The following CDH12 variants were observed in gnomAD, a reference collection of about 807,000 sequenced individuals.
The protein encoded by CDH12 is cadherin 12.
CDH12 carries 41 observed loss-of-function variants against 74.1 expected under a neutral mutation model. The observed-to-expected ratio is 0.55, with a 90% CI of 0.43 to 0.72. The LOEUF is 0.72. Among genes scored for constraint, CDH12 ranks in the 30% least tolerant of loss-of-function variants. The pLI is 0.00. For synonymous variants in CDH12, 399 were observed against 355.0 expected (o/e 1.12, Z -1.39); for missense variants, 945 against 977.2 (o/e 0.97, Z 0.44).
At chr5:22,115,487 T>G (rs1312672259) in intron 4 of CDH12, among the ~76,000 whole-genome samples, 1 of 151,462 alleles carries the variant, frequency 6.6e-6, no homozygotes, top group Non-Finnish European at 1.5e-5. Context: ...CAGCACCAAG[T>G]TTTTTACTGG....
intron 1 of CDH12, among the ~76,000 whole-genome samples, chr5:22,731,393 G>A (rs563321782): frequency 1.0e-3 from 155 of 151,764 alleles, no homozygotes; most frequent in African/African-American, 3.6e-3. Context: ...AAACATTAGC[G>A]TTTTCATAAA....
intron 1 of CDH12, among the ~76,000 whole-genome samples, chr5:22,561,438 A>G (rs368620082): frequency 3.0e-4 from 45 of 152,288 alleles, no homozygotes; most frequent in East Asian, 2.9e-3. Context: ...TTATAATTGC[A>G]TATAATTAAA....
At position 22,397,715 on chromosome 5, in the gene CDH12, T is replaced by A. The variant is rs2126437890; in HGVS notation, c.-333+7542A>T. Among the ~76,000 whole-genome samples the A allele has an allele frequency of 2.0e-5, 3 of 152,262 alleles. No individual in the cohort carries two copies. In the South Asian group the frequency reaches 6.2e-4, roughly 32 times the overall value. On this transcript the variant is annotated intron_variant, in intron 3 of 14. Coordinates refer to ENST00000382254, the MANE Select transcript of CDH12 (RefSeq NM_004061.5). Reference sequence around the variant, plus strand: ...TTTAATTGTATTTCTCCAAAAATCGTAAGTTGAAGCCCTAATCCGTGGTGC... The same window carrying A: ...TTTAATTGTATTTCTCCAAAAATCGAAAGTTGAAGCCCTAATCCGTGGTGC...
intron 1 of CDH12, among the ~76,000 whole-genome samples, chr5:22,852,315 A>G (rs192494587): frequency 5.9e-5 from 9 of 152,360 alleles, no homozygotes; most frequent in East Asian, 3.9e-4. Flanking sequence ...TGTTAAAAAC[A>G]TAAGAAAATA....
At chr5:22,543,917 A>T (rs1167871186) in intron 1 of CDH12, among the ~76,000 whole-genome samples, 3 of 150,770 alleles carry the variant, frequency 2.0e-5, no homozygotes, top group Non-Finnish European at 4.4e-5. Flanking sequence ...TTTTTTTTTC[A>T]CAAGTAGCTC....
intron 1 of CDH12, among the ~76,000 whole-genome samples, chr5:22,657,425 A>G (rs1316457921): frequency 6.6e-6 from 1 of 152,148 alleles, no homozygotes; most frequent in Non-Finnish European, 1.5e-5. Context: ...TTTACATTAA[A>G]ACAAAACAAA....
At chr5:22,171,336 T>C (rs1749017960) in intron 4 of CDH12, among the ~76,000 whole-genome samples, 1 of 151,926 alleles carries the variant, frequency 6.6e-6, no homozygotes, top group Non-Finnish European at 1.5e-5. Flanking sequence ...ATAAATGTAC[T>C]AGATGGCTAT....
At chr5:22,502,454 G>C (rs1302674895) in intron 2 of CDH12, among the ~76,000 whole-genome samples, 1 of 151,922 alleles carries the variant, frequency 6.6e-6, no homozygotes, top group African/African-American at 2.4e-5. Flanking sequence ...AGCAGCGTGA[G>C]AACACACTAA....
At chr5:22,488,473 T>C (rs956174901) in intron 2 of CDH12, among the ~76,000 whole-genome samples, 3 of 152,214 alleles carry the variant, frequency 2.0e-5, no homozygotes, top group Admixed American at 6.5e-5. Context: ...TTAATGCTTT[T>C]ACATTTTGGG....
chr5:21,858,697 A>G (rs77194517), intron 6 of CDH12, among the ~76,000 whole-genome samples: 3,165 of 152,038 alleles, frequency 0.021, 106 homozygotes, highest in African/African-American at 0.07. Flanking sequence ...CCAACTCCTG[A>G]AATCTTATAT....
At chr5:22,636,851 A>G (rs1249239788) in intron 1 of CDH12, among the ~76,000 whole-genome samples, 1 of 152,228 alleles carries the variant, frequency 6.6e-6, no homozygotes, top group African/African-American at 2.4e-5. Flanking sequence ...ATGTCTTAAA[A>G]AGTAAATAAG....
intron 1 of CDH12, among the ~76,000 whole-genome samples, chr5:22,642,494 A>G (rs1739203378): frequency 6.6e-6 from 1 of 152,166 alleles, no homozygotes; most frequent in Non-Finnish European, 1.5e-5. Context: ...CATGGCCTTG[A>G]TATTAAAGAA....
At chr5:21,777,671 A>T (rs761802937) in intron 11 of CDH12, among the ~76,000 whole-genome samples, 1 of 151,910 alleles carries the variant, frequency 6.6e-6, no homozygotes, top group Non-Finnish European at 1.5e-5. Flanking sequence ...TTGTGTTTTT[A>T]GTAGAGACAA....
intron 4 of CDH12, among the ~76,000 whole-genome samples, chr5:22,087,696 C>T (rs957788133): frequency 6.6e-6 from 1 of 152,094 alleles, no homozygotes; most frequent in African/African-American, 2.4e-5. Flanking sequence ...TTAGACATTG[C>T]TTTGTAATGT....
At chr5:22,660,496 T>G (rs998165164) in intron 1 of CDH12, among the ~76,000 whole-genome samples, 3 of 152,188 alleles carry the variant, frequency 2.0e-5, no homozygotes, top group Non-Finnish European at 2.9e-5. Flanking sequence ...TCACCAAGTT[T>G]GTCCTCCTGG....
chr5:22,278,553 T>C (rs377095601), intron 3 of CDH12, among the ~76,000 whole-genome samples: 161 of 152,300 alleles, frequency 1.1e-3, no homozygotes, highest in Non-Finnish European at 1.4e-3. Context: ...CCTCCCTTTT[T>C]TTTTTAACTC....
chr5:22,743,276 A>ATATATATATATATGTATATATATG, intron 1 of CDH12, among the ~76,000 whole-genome samples: 1 of 146,464 alleles, frequency 6.8e-6, no homozygotes, highest in East Asian at 2.0e-4. Flanking sequence ...ATATATATAT[A>ATATATATATATATGTATATATATG]TATATGTATA....
chr5:22,231,309 G>A (rs1013242096), intron 3 of CDH12, among the ~76,000 whole-genome samples: 1 of 152,032 alleles, frequency 6.6e-6, no homozygotes, highest in African/African-American at 2.4e-5. Context: ...TCCCACCTCT[G>A]TGGAGTGAGA....
chr5:22,103,546 T>C (rs1160346968), intron 4 of CDH12, among the ~76,000 whole-genome samples: 2 of 152,206 alleles, frequency 1.3e-5, no homozygotes, highest in Non-Finnish European at 2.9e-5. Context: ...TTGTGTTCCT[T>C]CTCCACTGCA....
Sources: gnomAD v4.1 joint callset for allele counts (sites outside exome capture counted in the v4.1 genomes callset) on GRCh38, gnomAD v4.1.1 for gene constraint, MANE v1.5 for transcripts, NCBI Gene and HGNC (gene_info 2026-07-23, HGNC 2026-07-21) for gene names.